The following SYCE2 variants were observed in gnomAD, a reference collection of about 807,000 sequenced individuals.
The protein encoded by SYCE2 is synaptonemal complex central element protein 2.
A neutral mutation model predicts 27.9 loss-of-function variants in SYCE2; 3 were observed. The observed-to-expected ratio is 0.11, with a 90% CI of 0.05 to 0.28. SYCE2 has a LOEUF of 0.28. Among genes scored for constraint, SYCE2 ranks in the 10% least tolerant of loss-of-function variants. The probability of loss-of-function intolerance (pLI) is 1.00; values close to 1 mark genes in which losing one functional copy is unlikely to be tolerated. For missense variants in SYCE2, 207 were observed against 263.5 expected, an observed-to-expected ratio of 0.79 and a Z score of 1.48; for synonymous variants, 85 against 100.7, an observed-to-expected ratio of 0.84 and a Z score of 0.93.
intron 2 of SYCE2, among the ~76,000 whole-genome samples, chr19:12,907,062 C>T (rs10451496): frequency 0.3 from 46,080 of 151,866 alleles, 7,482 homozygotes; most frequent in Admixed American, 0.37. Context: ...TTTATTTGAC[C>T]GGTTTGACGT....
At chr19:12,899,418 AG>A (rs777025420) in intron 5 of SYCE2, 33 bp from the exon 6 acceptor site, 4 of 1,613,898 alleles carry the variant, frequency 2.5e-6, no homozygotes, top group Admixed American at 3.3e-5. Context: ...TTTAAAGGGA[AG>A]TTGTGAGCTA....
Position 12,916,916 on chromosome 19 carries a change from A to AT in SYCE2, c.131+1305dup, listed in dbSNP as rs1405519142. Among the ~76,000 whole-genome samples, 4 of 151,654 alleles carry AT rather than the reference A, an allele frequency of 2.6e-5. No homozygotes were observed. In the East Asian group the frequency reaches 7.8e-4, roughly 30 times the overall value. On this transcript the variant is annotated intron_variant, in intron 2 of 5. Transcript: ENST00000293695. ...ATGCATGCACCACCACGCCTGGCTG[A>AT]TTTTTGTGTTTTTAGTAGAGACGGA... is the stretch of plus-strand genomic sequence containing the variant.
intron 2 of SYCE2, among the ~76,000 whole-genome samples, chr19:12,917,986 T>C (rs1290276865): frequency 6.6e-6 from 1 of 152,050 alleles, no homozygotes; most frequent in Non-Finnish European, 1.5e-5. Context: ...TGGCCCGACA[T>C]TCTGGCCCGC....
chr19:12,909,282 C>G (rs1971001231), intron 2 of SYCE2, among the ~76,000 whole-genome samples: 1 of 152,172 alleles, frequency 6.6e-6, no homozygotes, highest in Admixed American at 6.6e-5. Flanking sequence ...TCTATCATCC[C>G]AGCCCATGCC....
intron 2 of SYCE2, among the ~76,000 whole-genome samples, chr19:12,908,965 C>T (rs1450120017): frequency 2.0e-5 from 3 of 152,202 alleles, no homozygotes; most frequent in African/African-American, 7.2e-5. Flanking sequence ...CCACAATGCA[C>T]AGGCTATTAT....
At position 12,919,221 on chromosome 19, in the gene SYCE2, G is replaced by A. The variant is rs369791566; in HGVS notation, c.15+22C>T. On this transcript the variant is annotated intron_variant, in intron 1 of 5. Coordinates refer to ENST00000293695, the MANE Select transcript of SYCE2 (RefSeq NM_001105578.2). ...ATCTGTCCGCCCGCCCCACGCGCGA[G>A]AAGGAAACAAGCGCCGCGTACTCCC... The A allele has an allele frequency of 3.7e-6, 6 of 1,610,764 alleles. No individual in the cohort carries two copies. The South Asian group carries it at 6.6e-5, about 18-fold the overall frequency.
At chr19:12,913,270 A>G (rs1264947498) in intron 2 of SYCE2, among the ~76,000 whole-genome samples, 1 of 152,252 alleles carries the variant, frequency 6.6e-6, no homozygotes, top group Non-Finnish European at 1.5e-5. Context: ...CAGGGGGCCC[A>G]GGAGCTGCGG....
chr19:12,912,030 C>CA lies in SYCE2; in HGVS notation c.131+6191_131+6192insT, dbSNP rs1568437991. 2.6e-4 allele frequency among the ~76,000 whole-genome samples: 40 copies of CA among 151,916 alleles called. 2 individuals carry two copies. The highest frequency in any genetic ancestry group is 9.5e-4 in the African/African-American group (39 of 41,264). On this transcript the variant is annotated intron_variant, in intron 2 of 5. Transcript: ENST00000293695. ...TCGGCTCACTGCAACCTCTGCCTCC[C>CA]GGGTTCAAGCAATTCTCCTGCCTCA... is the stretch of plus-strand genomic sequence containing the variant.
At chr19:12,906,807 C>T (rs1970942480) in intron 2 of SYCE2, among the ~76,000 whole-genome samples, 1 of 152,208 alleles carries the variant, frequency 6.6e-6, no homozygotes, top group Admixed American at 6.5e-5. Flanking sequence ...ACTCAGGAGG[C>T]TGAGGTACAA....
Position 12,903,532 on chromosome 19 carries a change from G to A in SYCE2, c.306+960C>T, listed in dbSNP as rs372759580. ...CTCCCGAGTAGCTGGGACTACAGGC[G>A]CGCACCACCATGCCCAGCTAATTTT... On this transcript the variant is annotated intron_variant, in intron 3 of 5. Transcript: ENST00000293695. 3.0e-4 allele frequency among the ~76,000 whole-genome samples: 46 copies of A among 151,578 alleles called. 2 individuals are homozygous for A. The highest frequency in any genetic ancestry group is 1.1e-3 in the African/African-American group (44 of 41,260).
Position 12,900,043 on chromosome 19 carries a change from T to C in SYCE2, c.573A>G (p.Pro191=). Residue 191 remains proline (P), a synonymous_variant, in exon 5 of 6, where the codon CCA becomes CCG. Coordinates refer to ENST00000293695, the MANE Select transcript of SYCE2 (RefSeq NM_001105578.2). The part of the protein sequence containing the change: ...SPPRPGNSQP[P]DVFVSSVAET... ...CAGCCACAGAAGAAACGAACACGTCTGGGGGCTGTGAGTTGCCGGGACGTG... is the reference window on the plus strand; with the variant it reads ...CAGCCACAGAAGAAACGAACACGTCCGGGGGCTGTGAGTTGCCGGGACGTG... 6.2e-7 allele frequency: 1 copy of C among 1,613,750 alleles called. No individual in the cohort carries two copies. The highest frequency in any genetic ancestry group is 8.5e-7 in the Non-Finnish European group (1 of 1,179,996).
In SYCE2 at chr19:12,899,502, A is replaced by G. The variant is rs1970782644; in HGVS notation, c.613-117T>C. The G allele has an allele frequency of 6.2e-7, 1 of 1,614,096 alleles. No homozygotes were observed. The highest frequency in any genetic ancestry group is 8.5e-7 in the Non-Finnish European group (1 of 1,180,000). On this transcript the variant is annotated intron_variant, in intron 5 of 5. Coordinates refer to ENST00000293695, the MANE Select transcript of SYCE2 (RefSeq NM_001105578.2). The stretch of plus-strand genomic sequence containing the variant: ...ACATTCACGCCCTGATCCTTGGGAG[A>G]GCTATCACGGGAATCCAGGCGTTCA...
At chr19:12,919,012 T>G (rs539125256) in intron 1 of SYCE2, among the ~76,000 whole-genome samples, 1 of 151,500 alleles carries the variant, frequency 6.6e-6, no homozygotes, top group Admixed American at 6.6e-5. Flanking sequence ...TGTGCCTTTC[T>G]CTACTCCGTT....
At chr19:12,903,831 C>T (rs1466729764) in intron 3 of SYCE2, among the ~76,000 whole-genome samples, 2 of 152,074 alleles carry the variant, frequency 1.3e-5, no homozygotes, top group African/African-American at 4.8e-5. Context: ...CTCCTGGCCT[C>T]AAGTGATCCA....
At chr19:12,908,246 T>G (rs528872227) in intron 2 of SYCE2, among the ~76,000 whole-genome samples, 1 of 150,244 alleles carries the variant, frequency 6.7e-6, no homozygotes, top group East Asian at 2.0e-4. Flanking sequence ...AAGGCCAAGG[T>G]TCTAGAAGGA....
intron 2 of SYCE2, among the ~76,000 whole-genome samples, chr19:12,914,888 C>T (rs1188262060): frequency 6.6e-6 from 1 of 152,248 alleles, no homozygotes; most frequent in Non-Finnish European, 1.5e-5. Context: ...GGATTACAGG[C>T]ATGAGCCATC....
Position 12,913,128 on chromosome 19 carries a change from C to T in SYCE2, c.131+5094G>A, listed in dbSNP as rs368900114. ...CAGCACGTCGGGTGTGCATGGCCTG[C>T]GCCCGGATTGGGCAGCGGGCTGGGG... On this transcript the variant is annotated intron_variant, in intron 2 of 5. Transcript: ENST00000293695. Among the ~76,000 whole-genome samples the T allele has an allele frequency of 4.6e-5, 7 of 152,322 alleles. No individual in the cohort carries two copies. In the East Asian group the frequency reaches 1.2e-3, roughly 25 times the overall value.
intron 5 of SYCE2, 158 bp downstream of exon 5, chr19:12,899,846 C>T: frequency 6.3e-7 from 1 of 1,577,402 alleles, no homozygotes; most frequent in South Asian, 1.1e-5. Flanking sequence ...ACTCCGTCTG[C>T]TGCAGCTGAC....
Position 12,904,530 on chromosome 19 carries a change from C to T in SYCE2, c.268G>A (p.Ala90Thr). 6.2e-7 allele frequency: 1 copy of T among 1,614,112 alleles called. No homozygotes were observed. The highest frequency in any genetic ancestry group is 8.5e-7 in the Non-Finnish European group (1 of 1,180,020). ...CTGTTCCTGAAGTTGGTCATGAGTGCATGGTCCTTTTGCCGGCTCTTGTTG... is the reference window on the plus strand; with the variant it reads ...CTGTTCCTGAAGTTGGTCATGAGTGTATGGTCCTTTTGCCGGCTCTTGTTG... ...NINKSRQKDH[A>T]LMTNFRNSLK... Residue 90 changes from alanine to threonine, a missense_variant, in exon 3 of 6, where the codon GCA becomes ACA. By Grantham distance (58) the Ala-to-Thr change is moderately conservative. Transcript: ENST00000293695.
Sources: gnomAD v4.1 joint callset for allele counts (sites outside exome capture counted in the v4.1 genomes callset) on GRCh38, gnomAD v4.1.1 for gene constraint, MANE v1.5 for transcripts, NCBI Gene and HGNC (gene_info 2026-07-23, HGNC 2026-07-21) for gene names.